Variants in PHC3 observed in about 807,000 individuals in gnomAD.
PHC3 encodes polyhomeotic-like protein 3.
A neutral mutation model predicts 107.4 loss-of-function variants in PHC3; 13 were observed. That is an observed-to-expected ratio of 0.12 (90% CI 0.08 to 0.19). PHC3 has a LOEUF of 0.19. Ranked by LOEUF, PHC3 falls within the 10% of genes least tolerant of loss-of-function variation. PHC3 has a pLI of 1.00. For synonymous variants in PHC3, 456 were observed against 427.4 expected, an observed-to-expected ratio of 1.07 and a Z score of -0.83; for missense variants, 992 against 1,210.9, an observed-to-expected ratio of 0.82 and a Z score of 2.68.
Position 170,145,456 on chromosome 3 carries a change from T to C in PHC3, c.639A>G (p.Ser213=), listed in dbSNP as rs183522941. 2.5e-6 allele frequency: 4 copies of C among 1,613,590 alleles called. No individual in the cohort carries two copies. Among genetic ancestry groups the C allele is most frequent in the Admixed American group, 1.7e-5 (1 of 59,976 alleles). Residue 213 remains serine, a synonymous_variant, in exon 6 of 15, where the codon TCA becomes TCG. Transcript: ENST00000495893. ...VQSDIPVVSS[S]SSSSCQSAAT... ...CTGCAGACTGACAGGAAGATGACGATGACGACGAGACAACAGGAATGTCAG... is the reference window on the plus strand; with the variant it reads ...CTGCAGACTGACAGGAAGATGACGACGACGACGAGACAACAGGAATGTCAG...
intron 4 of PHC3, among the ~76,000 whole-genome samples, chr3:170,153,140 G>A (rs1039654575): frequency 2.0e-5 from 3 of 152,092 alleles, no homozygotes; most frequent in Non-Finnish European, 4.4e-5. Context: ...TGTTCAAACA[G>A]CAAACTAATT....
chr3:170,179,418 T>C (rs1258910137), intron 1 of PHC3, among the ~76,000 whole-genome samples: 10 of 152,230 alleles, frequency 6.6e-5, no homozygotes, highest in Non-Finnish European at 1.5e-4. Context: ...TAGTTTACCA[T>C]ATAAACTTTG....
In PHC3 at chr3:170,094,011, G is replaced by A. The variant is rs971993759; in HGVS notation, c.*3219C>T. On this transcript the variant is annotated 3_prime_UTR_variant, in exon 15 of 15. Coordinates refer to ENST00000495893, the MANE Select transcript of PHC3 (RefSeq NM_024947.4). ...CTCCTCTGACTCTTCCCATGCTCAA[G>A]CTTTTGCATTACCATTTCTCTCCTC... is the stretch of plus-strand genomic sequence containing the variant. 6.6e-6 allele frequency: 1 copy of A among 152,228 alleles called. No homozygotes were observed. Among genetic ancestry groups the A allele is most frequent in the Non-Finnish European group, 1.5e-5 (1 of 68,082 alleles). 9.4% of individuals were successfully genotyped at this position (152,228 alleles called of 1,614,324 possible).
intron 4 of PHC3, among the ~76,000 whole-genome samples, chr3:170,168,740 C>A (rs1433440538): frequency 5.1e-5 from 6 of 117,388 alleles, no homozygotes; most frequent in Non-Finnish European, 3.2e-5. Context: ...GGAGACAGAG[C>A]GAGACTCCGT....
At chr3:170,114,128 G>A (rs1419988768) in intron 10 of PHC3, among the ~76,000 whole-genome samples, 1 of 152,048 alleles carries the variant, frequency 6.6e-6, no homozygotes, top group Non-Finnish European at 1.5e-5. Flanking sequence ...TCCTGTCTCG[G>A]CCTCCCAAGT....
At chr3:170,101,723 G>A (rs1217041154) in intron 14 of PHC3, among the ~76,000 whole-genome samples, 2 of 152,020 alleles carry the variant, frequency 1.3e-5, no homozygotes, top group African/African-American at 4.8e-5. Flanking sequence ...GAGCAAAGGT[G>A]CAGCTGTCTT....
chr3:170,144,039 T>C (rs769576662), intron 6 of PHC3, among the ~76,000 whole-genome samples: 17 of 151,412 alleles, frequency 1.1e-4, no homozygotes, highest in Admixed American at 9.9e-4. Context: ...TGTAAGAATA[T>C]ATCGAGGCCG....
intron 4 of PHC3, among the ~76,000 whole-genome samples, chr3:170,151,902 G>C (rs1029623291): frequency 2.0e-5 from 3 of 152,114 alleles, no homozygotes; most frequent in Non-Finnish European, 4.4e-5. Context: ...ATGGTGACTG[G>C]AGGAAGCTGA....
chr3:170,173,183 A>C (rs1729896169), intron 2 of PHC3, among the ~76,000 whole-genome samples: 2 of 146,566 alleles, frequency 1.4e-5, no homozygotes, highest in Admixed American at 7.0e-5. Flanking sequence ...ACACAGCAAG[A>C]CTCCCATCTC....
chr3:170,140,410 T>C (rs1723852226), intron 6 of PHC3, among the ~76,000 whole-genome samples: 1 of 148,976 alleles, frequency 6.7e-6, no homozygotes, highest in Admixed American at 6.7e-5. Context: ...TGTGCCACCA[T>C]GTCTGGCTAA....
chr3:170,109,993 G>C (rs2108316907), intron 11 of PHC3, among the ~76,000 whole-genome samples: 1 of 152,160 alleles, frequency 6.6e-6, no homozygotes, highest in African/African-American at 2.4e-5. Context: ...TAAAATTTTA[G>C]CACATTTTAT....
intron 6 of PHC3, among the ~76,000 whole-genome samples, chr3:170,140,556 G>A (rs1188740144): frequency 1.4e-5 from 2 of 143,440 alleles, no homozygotes; most frequent in African/African-American, 5.2e-5. Flanking sequence ...GCCAGCCTCT[G>A]GGTCAGAGTT....
chr3:170,125,506 C>T (rs1721102912), intron 8 of PHC3, among the ~76,000 whole-genome samples: 1 of 152,138 alleles, frequency 6.6e-6, no homozygotes, highest in African/African-American at 2.4e-5. Flanking sequence ...TGCTGAAACT[C>T]TCTTTAATCC....
intron 10 of PHC3, 91 bp from the exon 11 acceptor site, chr3:170,113,610 T>C: frequency 8.2e-7 from 1 of 1,218,714 alleles, no homozygotes; most frequent in Non-Finnish European, 1.1e-6. Flanking sequence ...ATGAAACCTA[T>C]TTGTGATAAT....
rs188492179 is a variant in PHC3, at chr3:170,120,326, C to T, written c.1942+2265G>A. 4.5e-4 allele frequency among the ~76,000 whole-genome samples: 69 copies of T among 152,276 alleles called. 1 individual carries two copies. The highest frequency in any genetic ancestry group is 1.3e-4 in the Non-Finnish European group (9 of 68,020). The stretch of plus-strand genomic sequence containing the variant: ...ATAGGCCAGGCGCAGTGGCTCATGT[C>T]TGTAATCCCAGCATTTTGGGAGGCC... On this transcript the variant is annotated intron_variant, in intron 9 of 14. Transcript: ENST00000495893.
intron 11 of PHC3, among the ~76,000 whole-genome samples, chr3:170,112,725 T>C (rs965596119): frequency 6.6e-6 from 1 of 152,120 alleles, no homozygotes; most frequent in African/African-American, 2.4e-5. Flanking sequence ...GGTTTCACCA[T>C]GTTGGTCAGG....
At chr3:170,121,122 CTCT>C (rs1207374107) in intron 9 of PHC3, among the ~76,000 whole-genome samples, 4 of 152,258 alleles carry the variant, frequency 2.6e-5, no homozygotes, top group East Asian at 1.9e-4. Context: ...TGAACTATTA[CTCT>C]TCTTTTGTTT....
chr3:170,178,843 G>C lies in PHC3; in HGVS notation c.110C>G (p.Thr37Ser). The part of the protein sequence containing the change: ...TTSSTTTTTI[T>S]TSSSRMQQPQ... ...CTGCTGCATTCGAGAGGAGGAAGTGGTGATGGTGGTGGTGGTGGTACTGCT... is the reference window on the plus strand; with the variant it reads ...CTGCTGCATTCGAGAGGAGGAAGTGCTGATGGTGGTGGTGGTGGTACTGCT... The change falls in exon 2 of 15, where the codon ACC (threonine) becomes AGC (serine). Residue 37 changes from threonine (T) to serine (S), a missense_variant. By Grantham distance (58) the Thr-to-Ser change is moderately conservative (BLOSUM62 1). Transcript: ENST00000495893. The C allele has an allele frequency of 6.2e-7, 1 of 1,614,010 alleles. No homozygotes were observed. Among genetic ancestry groups the C allele is most frequent in the Non-Finnish European group, 8.5e-7 (1 of 1,179,888 alleles).
chr3:170,149,440 G>T (rs769122538), intron 4 of PHC3, among the ~76,000 whole-genome samples, 196 bp from the exon 5 acceptor site: 3 of 151,992 alleles, frequency 2.0e-5, no homozygotes, highest in Non-Finnish European at 2.9e-5. Context: ...GGCATGGATT[G>T]GTTAGTAATC....
Sources: gnomAD v4.1 joint callset for allele counts (sites outside exome capture counted in the v4.1 genomes callset) on GRCh38, gnomAD v4.1.1 for gene constraint, MANE v1.5 for transcripts, NCBI Gene and HGNC (gene_info 2026-07-23, HGNC 2026-07-21) for gene names.